ICE2: variants seen among roughly 807,000 people sequenced by gnomAD.
ICE2 encodes little elongation complex subunit 2.
ICE2 carries 87 observed loss-of-function variants against 105.4 expected under a neutral mutation model. That is an observed-to-expected ratio of 0.83 (90% confidence interval 0.69 to 0.99). ICE2 has a LOEUF of 0.99. Among genes scored for constraint, ICE2 ranks in the 50% least tolerant of loss-of-function variants. The pLI, the probability that ICE2 is intolerant of heterozygous loss-of-function variation, is 0.00. For missense variants in ICE2, 1,323 were observed against 1,146.7 expected (o/e 1.15, Z -2.22); for synonymous variants, 399 against 392.0 (o/e 1.02, Z -0.21).
rs762002532 is a variant in ICE2, at chr15:60,455,354, G to A, written c.755C>T (p.Ser252Leu). Residue 252 changes from serine (S) to leucine (L), a missense_variant, in exon 7 of 16, where the codon TCA becomes TTA. Ser to Leu is a moderately radical substitution (Grantham distance 145). Coordinates refer to ENST00000261520, the MANE Select transcript of ICE2 (RefSeq NM_024611.6). ...SKDDIATIET[S>L]EQTAEAMHYD... is the part of the protein sequence containing the mutation. ...ATGCATAGCTTCAGCTGTTTGTTCTGACGTTTCAATGGTAGCTATATCGTC... is the reference window on the plus strand; with the variant it reads ...ATGCATAGCTTCAGCTGTTTGTTCTAACGTTTCAATGGTAGCTATATCGTC... 60 of 1,613,514 alleles carry A rather than the reference G, an allele frequency of 3.7e-5. No homozygotes were observed. The highest frequency in any genetic ancestry group is 5.0e-5 in the Non-Finnish European group (59 of 1,179,686).
At chr15:60,448,814 A>T in intron 10 of ICE2, 34 bp downstream of exon 10, 1 of 1,529,522 alleles carries the variant, frequency 6.5e-7, no homozygotes, top group Non-Finnish European at 8.8e-7. Context: ...AGAACAAGTA[A>T]AACACTGTAA....
At chr15:60,443,536 C>T (rs1370222291) in intron 11 of ICE2, among the ~76,000 whole-genome samples, 1 of 152,162 alleles carries the variant, frequency 6.6e-6, no homozygotes, top group Non-Finnish European at 1.5e-5. Context: ...TGCCCTTGAA[C>T]TACGTGCATG....
intron 11 of ICE2, chr15:60,447,756 T>C (rs2063855778): frequency 4.9e-6 from 2 of 406,894 alleles, no homozygotes; most frequent in African/African-American, 2.1e-5. Context: ...ATTCCAAGCA[T>C]GAATGTTACC....
chr15:60,436,719 T>TAAAAAA (rs1566974852), intron 12 of ICE2, among the ~76,000 whole-genome samples: 1 of 19,682 alleles, frequency 5.1e-5, no homozygotes, highest in Admixed American at 4.8e-4. Flanking sequence ...AGACTCTGTC[T>TAAAAAA]CAAAAAAAAA....
At chr15:60,428,300 G>T in intron 15 of ICE2, 129 bp downstream of exon 15, 3 of 1,039,750 alleles carry the variant, frequency 2.9e-6, no homozygotes, top group Non-Finnish European at 4.2e-6. Context: ...CCTTCCTATG[G>T]ATATAGCTTT....
intron 9 of ICE2, chr15:60,451,994 T>G (rs2063977618): frequency 3.0e-6 from 2 of 669,458 alleles, no homozygotes; most frequent in Non-Finnish European, 1.8e-6. Context: ...TTGTCCAGCT[T>G]TTTTAGATGT....
chr15:60,425,229 G>T (rs756754821), intron 15 of ICE2, among the ~76,000 whole-genome samples: 18 of 152,110 alleles, frequency 1.2e-4, no homozygotes, highest in Non-Finnish European at 2.6e-4. Context: ...ATTGAGTACA[G>T]ATTTGTCTGT....
chr15:60,436,711 ACT>A (rs2063597250), intron 12 of ICE2, among the ~76,000 whole-genome samples: 1 of 94,276 alleles, frequency 1.1e-5, no homozygotes, highest in Non-Finnish European at 2.0e-5. Context: ...ACAGAGCCAG[ACT>A]CTGTCTCAAA....
rs1279791428 is a variant in ICE2 at position 60,420,952 on chromosome 15, A to G, written c.*2682T>C. The G allele has an allele frequency of 2.0e-5, 3 of 149,782 alleles. No homozygotes were observed. Among genetic ancestry groups the G allele is most frequent in the Non-Finnish European group, 4.5e-5 (3 of 66,666 alleles). The allele number at this position is 149,782 out of a possible 1,614,324, so 9.3% of individuals were successfully genotyped here. A position where few individuals can be genotyped will look rare whatever the true frequency, so the allele number is the denominator to read the frequency against. On this transcript the variant is annotated 3_prime_UTR_variant, in exon 16 of 16. Transcript: ENST00000261520. ...TTACTTAATGGTGAACAAAACAAAT[A>G]TGCCCCTGTCCTTGCAGAGCTTGTA... is the stretch of plus-strand genomic sequence containing the variant.
intron 14 of ICE2, among the ~76,000 whole-genome samples, chr15:60,429,345 C>T (rs1040394772): frequency 1.2e-4 from 18 of 152,306 alleles, no homozygotes; most frequent in African/African-American, 4.3e-4. Flanking sequence ...ATTAGAGATG[C>T]TAAGCAATTT....
At chr15:60,434,130 A>G (rs937124305) in intron 13 of ICE2, among the ~76,000 whole-genome samples, 1 of 152,238 alleles carries the variant, frequency 6.6e-6, no homozygotes, top group Non-Finnish European at 1.5e-5. Context: ...TTCCTCATAT[A>G]AAAAATGGAG....
At position 60,436,181 on chromosome 15, in the gene ICE2, A is replaced by C. The variant is rs1176146609; in HGVS notation, c.2472T>G (p.Ile824Met). ...FTSKLFLLEE[I>M]TSEELKEKLS... ...GCTTTTCTTTTAATTCTTCTGAGGT[A>C]ATTTCTTCCAGTAGAAAAAGTTTTG... The change falls in exon 13 of 16, where the codon ATT (isoleucine) becomes ATG (methionine). Residue 824 changes from isoleucine (I) to methionine (M), a missense_variant. Ile to Met is a conservative substitution (Grantham distance 10). Coordinates refer to ENST00000261520, the MANE Select transcript of ICE2 (RefSeq NM_024611.6). The C allele has an allele frequency of 3.4e-6, 5 of 1,468,674 alleles. No individual in the cohort carries two copies. The highest frequency in any genetic ancestry group is 4.6e-6 in the Non-Finnish European group (5 of 1,092,182). The allele number at this position is 1,468,674 out of a possible 1,614,324, so 91.0% of individuals were successfully genotyped here.
chr15:60,475,492 T>C (rs1450950783), intron 3 of ICE2, among the ~76,000 whole-genome samples: 1 of 152,140 alleles, frequency 6.6e-6, no homozygotes, highest in Non-Finnish European at 1.5e-5. Flanking sequence ...CACAACGTTT[T>C]GCAACACAAG....
intron 9 of ICE2, among the ~76,000 whole-genome samples, chr15:60,450,142 A>G (rs771332654): frequency 5.9e-5 from 9 of 152,218 alleles, no homozygotes; most frequent in Non-Finnish European, 1.2e-4. Flanking sequence ...AAAAATAGAC[A>G]AGACCACAAA....
chr15:60,463,850 C>T (rs986949858), intron 5 of ICE2, among the ~76,000 whole-genome samples: 1 of 152,134 alleles, frequency 6.6e-6, no homozygotes, highest in East Asian at 1.9e-4. Context: ...ACACAAAAAG[C>T]ACAGAACTTA....
intron 13 of ICE2, among the ~76,000 whole-genome samples, chr15:60,434,301 A>G (rs753418990): frequency 6.6e-6 from 1 of 152,174 alleles, no homozygotes; most frequent in Non-Finnish European, 1.5e-5. Flanking sequence ...CAAACTGAGA[A>G]GTTAGACTCT....
intron 5 of ICE2, among the ~76,000 whole-genome samples, chr15:60,461,465 G>C (rs2064274331): frequency 6.6e-6 from 1 of 152,070 alleles, no homozygotes; most frequent in Non-Finnish European, 1.5e-5. Context: ...TAATAAAATT[G>C]TTTTAAAAAT....
chr15:60,452,033 T>A, intron 9 of ICE2: 1 of 951,780 alleles, frequency 1.1e-6, no homozygotes, highest in African/African-American at 1.8e-5. Context: ...CCAAATTACC[T>A]GGTCTACCAT....
chr15:60,444,747 C>T (rs1201912327), intron 11 of ICE2, among the ~76,000 whole-genome samples: 1 of 152,062 alleles, frequency 6.6e-6, no homozygotes, highest in African/African-American at 2.4e-5. Flanking sequence ...TACAATGACG[C>T]AATCTCAGCT....
Sources: gnomAD v4.1 joint callset for allele counts (sites outside exome capture counted in the v4.1 genomes callset) on GRCh38, gnomAD v4.1.1 for gene constraint, MANE v1.5 for transcripts, NCBI Gene and HGNC (gene_info 2026-07-23, HGNC 2026-07-21) for gene names.